Variants in KIAA1217 observed in about 807,000 individuals in gnomAD.
KIAA1217 encodes KIAA1217.
Under a neutral mutation model 163.9 loss-of-function variants are expected in KIAA1217, and 88 were observed. The observed-to-expected ratio is 0.54, with a 90% confidence interval of 0.45 to 0.64. KIAA1217 has a LOEUF of 0.64. Among genes scored for constraint, KIAA1217 ranks in the 30% least tolerant of loss-of-function variants. The probability of loss-of-function intolerance (pLI) is 0.00; values close to 1 mark genes in which losing one functional copy is unlikely to be tolerated. For missense variants in KIAA1217, 2,372 were observed against 2,475.0 expected (o/e 0.96, Z 0.88); for synonymous variants, 903 against 923.1 (o/e 0.98, Z 0.39).
intron 2 of KIAA1217, among the ~76,000 whole-genome samples, chr10:24,257,457 T>C (rs1234244377): frequency 6.6e-6 from 1 of 152,120 alleles, no homozygotes; most frequent in African/African-American, 2.4e-5. Context: ...CTCATTTTCT[T>C]TTTTACTTTT....
chr10:23,874,482 A>C (rs1840594914), intron 1 of KIAA1217, among the ~76,000 whole-genome samples: 1 of 151,990 alleles, frequency 6.6e-6, no homozygotes, highest in Admixed American at 6.6e-5. Flanking sequence ...ATAGCAAATT[A>C]TAGCCCCTAA....
chr10:23,839,504 A>G (rs11013742), intron 1 of KIAA1217, among the ~76,000 whole-genome samples: 25,914 of 152,130 alleles, frequency 0.17, 2,372 homozygotes, highest in Middle Eastern at 0.21. Flanking sequence ...GGTCACTGTT[A>G]GAATTTCTCT....
At chr10:23,829,556 C>T (rs1200675361) in intron 1 of KIAA1217, among the ~76,000 whole-genome samples, 2 of 152,132 alleles carry the variant, frequency 1.3e-5, no homozygotes, top group Non-Finnish European at 2.9e-5. Flanking sequence ...TGATTATTTG[C>T]ACATTTATAA....
intron 2 of KIAA1217, among the ~76,000 whole-genome samples, chr10:24,220,753 CCT>C (rs2069506863): frequency 1.5e-5 from 2 of 134,566 alleles, no homozygotes; most frequent in Admixed American, 7.7e-5. Flanking sequence ...TGCACCCCGG[CCT>C]TTTTTTTTTT....
At position 23,790,348 on chromosome 10, in the gene KIAA1217, TGC is replaced by T. The variant is rs1228410649; in HGVS notation, c.-321+95115_-321+95116del. On this transcript the variant is annotated intron_variant, in intron 1 of 18. Coordinates refer to the KIAA1217 transcript ENST00000376462. Reference sequence around the variant, plus strand: ...ATATGCATATATGCATATATACATATGCATATATGCATATATACATATACATA... The same window carrying T: ...ATATGCATATATGCATATATACATATATATATGCATATATACATATACATA... Among the ~76,000 whole-genome samples the T allele has an allele frequency of 1.7e-5, 2 of 114,614 alleles. 1 individual carries two copies. The highest frequency in any genetic ancestry group is 7.9e-5 in the African/African-American group (2 of 25,250). The allele number at this position is 114,614 out of a possible 152,430, so 75.2% of individuals were successfully genotyped here.
rs538088042 is a variant in KIAA1217, at chr10:24,186,902, C to T, written c.-170-32724C>T. 8.2e-4 allele frequency among the ~76,000 whole-genome samples: 125 copies of T among 152,146 alleles called. 2 individuals carry two copies. Among genetic ancestry groups the T allele is most frequent in the Middle Eastern group, 3.4e-3 (1 of 294 alleles). On this transcript the variant is annotated intron_variant, in intron 2 of 18. Transcript: ENST00000376462. ...GAGACTCCGTCTAAAAAAAACAAAA[C>T]GAAAAAATTTTAATCTAGTATTTTT...
intron 1 of KIAA1217, among the ~76,000 whole-genome samples, chr10:23,942,381 TA>T (rs1269832826): frequency 6.6e-6 from 1 of 152,180 alleles, no homozygotes; most frequent in Admixed American, 6.5e-5. Flanking sequence ...ATAGAAATTT[TA>T]AAAGTGAAAA....
intron 2 of KIAA1217, among the ~76,000 whole-genome samples, chr10:24,087,154 A>T (rs753505038): frequency 6.6e-6 from 1 of 152,250 alleles, no homozygotes; most frequent in Non-Finnish European, 1.5e-5. Context: ...AGTGAGATTT[A>T]GTTGGACTCA....
At chr10:23,952,820 C>T (rs1487240129) in intron 1 of KIAA1217, among the ~76,000 whole-genome samples, 1 of 152,184 alleles carries the variant, frequency 6.6e-6, no homozygotes, top group African/African-American at 2.4e-5. Flanking sequence ...GATTGAGATA[C>T]AAGTGGATAT....
At position 24,025,927 on chromosome 10, in the gene KIAA1217, C is replaced by T. The variant is rs190957080; in HGVS notation, c.-171+18553C>T. 2.7e-4 allele frequency among the ~76,000 whole-genome samples: 41 copies of T among 151,916 alleles called. No individual in the cohort carries two copies. The South Asian group carries it at 5.0e-3, about 18-fold the overall frequency. On this transcript the variant is annotated intron_variant, in intron 2 of 18. Transcript: ENST00000376462. ...TGGTAGATTATTTTGGATTTTTCTA[C>T]ATAGACAATAACGTTATTTATAAAT...
At chr10:24,437,385 A>C (rs1056554337) in intron 4 of KIAA1217, among the ~76,000 whole-genome samples, 2 of 152,220 alleles carry the variant, frequency 1.3e-5, no homozygotes, top group African/African-American at 2.4e-5. Flanking sequence ...AGAGAAGACT[A>C]GTCCAAGAAT....
intron 2 of KIAA1217, among the ~76,000 whole-genome samples, chr10:24,112,754 T>A (rs2062901206): frequency 6.6e-6 from 1 of 151,432 alleles, no homozygotes; most frequent in Non-Finnish European, 1.5e-5. Context: ...CCGGCCAATT[T>A]TTTTTGTTTT....
At chr10:24,333,130 T>C (rs1268689453) in intron 2 of KIAA1217, among the ~76,000 whole-genome samples, 1 of 152,024 alleles carries the variant, frequency 6.6e-6, no homozygotes, top group Non-Finnish European at 1.5e-5. Flanking sequence ...CAAGCAATTC[T>C]CCTGCCTCAG....
intron 3 of KIAA1217, among the ~76,000 whole-genome samples, chr10:24,413,739 A>G (rs929142712): frequency 3.3e-5 from 5 of 152,152 alleles, no homozygotes; most frequent in African/African-American, 1.2e-4. Context: ...CTTCCCCCAG[A>G]TATCTACAAG....
At chr10:23,874,942 A>T (rs544844485) in intron 1 of KIAA1217, among the ~76,000 whole-genome samples, 2 of 152,146 alleles carry the variant, frequency 1.3e-5, no homozygotes, top group East Asian at 3.9e-4. Flanking sequence ...GCTTCTGGTG[A>T]GGTCACAGGA....
At chr10:23,919,457 TTATC>T (rs1203869073) in intron 1 of KIAA1217, among the ~76,000 whole-genome samples, 1 of 151,648 alleles carries the variant, frequency 6.6e-6, no homozygotes, top group Non-Finnish European at 1.5e-5. Flanking sequence ...AATACAAAAA[TTATC>T]TGGGTGCAGT....
At chr10:24,004,454 C>A (rs868082849) in intron 1 of KIAA1217, among the ~76,000 whole-genome samples, 2 of 152,132 alleles carry the variant, frequency 1.3e-5, no homozygotes, top group Non-Finnish European at 2.9e-5. Context: ...ACTGGAATTA[C>A]TCTATTTGTG....
intron 1 of KIAA1217, among the ~76,000 whole-genome samples, chr10:23,857,773 A>G (rs1406753937): frequency 6.6e-6 from 1 of 151,662 alleles, no homozygotes; most frequent in Non-Finnish European, 1.5e-5. Context: ...AGAATCAGCT[A>G]TAATATATTA....
intron 1 of KIAA1217, among the ~76,000 whole-genome samples, chr10:23,971,379 AC>A (rs1355272580): frequency 1.3e-5 from 2 of 152,170 alleles, no homozygotes; most frequent in African/African-American, 4.8e-5. Flanking sequence ...TTGGGAGACA[AC>A]CTTTCCCTGG....
Sources: gnomAD v4.1 joint callset for allele counts (sites outside exome capture counted in the v4.1 genomes callset) on GRCh38, gnomAD v4.1.1 for gene constraint, MANE v1.5 for transcripts, NCBI Gene and HGNC (gene_info 2026-07-23, HGNC 2026-07-21) for gene names.